Variants in SPRED2 observed in about 807,000 individuals in gnomAD.
SPRED2 encodes sprouty-related, EVH1 domain-containing protein 2.
SPRED2 carries 47 observed loss-of-function variants against 43.0 expected under a neutral mutation model. That is an observed-to-expected ratio of 1.09 (90% CI 0.87 to 1.40). The LOEUF (loss-of-function observed/expected upper bound fraction) is 1.40. Ranked by LOEUF, SPRED2 falls within the 40% of genes most tolerant of loss-of-function variation. The pLI, the probability that SPRED2 is intolerant of heterozygous loss-of-function variation, is 0.00. For synonymous variants in SPRED2, 225 were observed against 225.7 expected (o/e 1.00, Z 0.03); for missense variants, 561 against 586.4 (o/e 0.96, Z 0.45).
chr2:65,328,191 T>C (rs116283621), intron 4 of SPRED2, among the ~76,000 whole-genome samples: 1,888 of 152,300 alleles, frequency 0.012, 47 homozygotes, highest in African/African-American at 0.044. Flanking sequence ...ACTGATCTTC[T>C]AAAATGAGAC....
At chr2:65,431,090 G>A (rs1676674268) in intron 1 of SPRED2, among the ~76,000 whole-genome samples, 1 of 151,972 alleles carries the variant, frequency 6.6e-6, no homozygotes, top group African/African-American at 2.4e-5. Flanking sequence ...CCCCGGGCTG[G>A]CGACAGTCAC....
intron 1 of SPRED2, among the ~76,000 whole-genome samples, chr2:65,409,849 T>C (rs1343724586): frequency 6.6e-6 from 1 of 150,918 alleles, no homozygotes; most frequent in Non-Finnish European, 1.5e-5. Flanking sequence ...TCCTGGCCAA[T>C]ATGGTGAAAC....
chr2:65,309,110 C>G (rs1033222301), downstream of SPRED2, among the ~76,000 whole-genome samples: 3 of 148,004 alleles, frequency 2.0e-5, no homozygotes, highest in Non-Finnish European at 4.5e-5. Flanking sequence ...AAGCCAAGAT[C>G]ATAACACTGC....
intron 2 of SPRED2, among the ~76,000 whole-genome samples, chr2:65,336,832 G>A (rs1453740738): frequency 1.3e-5 from 2 of 152,212 alleles, no homozygotes; most frequent in African/African-American, 4.8e-5. Context: ...AAAATGGCCG[G>A]GCGCGGTGGC....
intron 2 of SPRED2, among the ~76,000 whole-genome samples, chr2:65,338,442 C>T (rs1187874476): frequency 2.0e-5 from 3 of 151,754 alleles, no homozygotes; most frequent in African/African-American, 7.3e-5. Flanking sequence ...CGATTGCAGG[C>T]GCGCGCCGCC....
intron 1 of SPRED2, among the ~76,000 whole-genome samples, chr2:65,401,028 T>C (rs1675872531): frequency 6.6e-6 from 1 of 152,152 alleles, no homozygotes; most frequent in Non-Finnish European, 1.5e-5. Flanking sequence ...TATGCAGTGG[T>C]GTGATCTTGG....
chr2:65,345,964 G>T (rs1674338563), intron 1 of SPRED2, among the ~76,000 whole-genome samples: 1 of 152,156 alleles, frequency 6.6e-6, no homozygotes, highest in Non-Finnish European at 1.5e-5. Context: ...TCTTTGGATA[G>T]AATTCATTTT....
At chr2:65,308,262 C>G (rs1672981970), downstream of SPRED2, 1 of 973,496 alleles carries the variant, frequency 1.0e-6, no homozygotes, top group Non-Finnish European at 1.2e-6. Context: ...GGGCAAGTGC[C>G]ACTGAGCAGG....
chr2:65,328,510 G>A (rs943912327), intron 4 of SPRED2, among the ~76,000 whole-genome samples: 7 of 152,110 alleles, frequency 4.6e-5, no homozygotes, highest in African/African-American at 9.7e-5. Flanking sequence ...TGGAAGTGTC[G>A]ATCTGTACTC....
rs141207279 is a variant in SPRED2 at position 65,391,874 on chromosome 2, C to A, written c.26+40088G>T. ...TCTGGTAATAATAACAGTTGAAAAGCTGCTATTATGTTTTCATTGCATTAG... is the reference window on the plus strand; with the variant it reads ...TCTGGTAATAATAACAGTTGAAAAGATGCTATTATGTTTTCATTGCATTAG... On this transcript the variant is annotated intron_variant, in intron 1 of 5. Coordinates refer to ENST00000356388, the MANE Select transcript of SPRED2 (RefSeq NM_181784.3). Among the ~76,000 whole-genome samples, 128 of 152,214 alleles carry A rather than the reference C, an allele frequency of 8.4e-4. No individual in the cohort carries two copies. The East Asian group carries it at 0.024, about 28-fold the overall frequency.
chr2:65,327,449 T>C (rs1673658429), intron 4 of SPRED2, among the ~76,000 whole-genome samples: 1 of 152,218 alleles, frequency 6.6e-6, no homozygotes, highest in Non-Finnish European at 1.5e-5. Context: ...TTTATTTAGA[T>C]CCTTAGACAT....
At chr2:65,385,254 G>A (rs1341899893) in intron 1 of SPRED2, among the ~76,000 whole-genome samples, 1 of 152,142 alleles carries the variant, frequency 6.6e-6, no homozygotes, top group Non-Finnish European at 1.5e-5. Context: ...TTGCAGGTGT[G>A]AGCCACCACG....
intron 1 of SPRED2, among the ~76,000 whole-genome samples, chr2:65,389,786 G>A (rs1675588790): frequency 2.0e-5 from 3 of 152,216 alleles, no homozygotes; most frequent in African/African-American, 7.2e-5. Flanking sequence ...TGATGGTTAG[G>A]AAGATCTTTG....
intron 1 of SPRED2, among the ~76,000 whole-genome samples, chr2:65,370,233 G>C (rs994802974): frequency 2.0e-5 from 3 of 152,202 alleles, no homozygotes; most frequent in Non-Finnish European, 4.4e-5. Context: ...TAATCTTACA[G>C]AATTGTTTTG....
intron 1 of SPRED2, among the ~76,000 whole-genome samples, chr2:65,430,800 AT>A (rs1676663651): frequency 1.3e-5 from 2 of 151,936 alleles, no homozygotes; most frequent in Admixed American, 6.6e-5. Flanking sequence ...CAGGCTCCGG[AT>A]TTATGAATGT....
At chr2:65,421,617 G>A (rs1411535850) in intron 1 of SPRED2, among the ~76,000 whole-genome samples, 2 of 152,142 alleles carry the variant, frequency 1.3e-5, no homozygotes, top group African/African-American at 4.8e-5. Flanking sequence ...TTCCATCAGG[G>A]GTAAGTTGGC....
chr2:65,380,583 T>C, intron 1 of SPRED2: 1 of 152,200 alleles, frequency 6.6e-6, no homozygotes, highest in Non-Finnish European at 1.5e-5. Context: ...CAAACTTAGC[T>C]CTAATAAACT....
intron 1 of SPRED2, among the ~76,000 whole-genome samples, chr2:65,364,999 T>C (rs1353157364): frequency 6.6e-6 from 1 of 152,248 alleles, no homozygotes. Flanking sequence ...GTAGCCTTTC[T>C]TTCACAACTT....
At chr2:65,399,213 G>A (rs1675825392) in intron 1 of SPRED2, among the ~76,000 whole-genome samples, 1 of 149,006 alleles carries the variant, frequency 6.7e-6, no homozygotes, top group Non-Finnish European at 1.5e-5. Context: ...AGGTTGCGGT[G>A]AGCCGAGATC....
Sources: gnomAD v4.1 joint callset for allele counts (sites outside exome capture counted in the v4.1 genomes callset) on GRCh38, gnomAD v4.1.1 for gene constraint, MANE v1.5 for transcripts, NCBI Gene and HGNC (gene_info 2026-07-23, HGNC 2026-07-21) for gene names.